The following ADAMTSL2 variants were observed in gnomAD, a reference collection of about 807,000 sequenced individuals.
The protein encoded by ADAMTSL2 is ADAMTS-like protein 2.
In ADAMTSL2, 55 loss-of-function variants were observed where a neutral mutation model predicts 117.0. The observed-to-expected ratio is 0.47, with a 90% CI of 0.38 to 0.59. The LOEUF (loss-of-function observed/expected upper bound fraction) is 0.59, where lower values mean the gene tolerates loss of function less well. Ranked by LOEUF, ADAMTSL2 falls within the 20% of genes least tolerant of loss-of-function variation. The pLI, the probability that ADAMTSL2 is intolerant of heterozygous loss-of-function variation, is 0.00. For synonymous variants in ADAMTSL2, 572 were observed against 566.4 expected (o/e 1.01, Z -0.14); for missense variants, 1,182 against 1,354.5 (o/e 0.87, Z 2.00).
chr9:133,536,235 A>G, intron 1 of ADAMTSL2, among the ~76,000 whole-genome samples: 1 of 152,218 alleles, frequency 6.6e-6, no homozygotes, highest in East Asian at 1.9e-4. Context: ...GGCCAGCAAG[A>G]GCTGAGCCAG....
At chr9:133,547,628 G>A (rs1830383418) in intron 9 of ADAMTSL2, among the ~76,000 whole-genome samples, 1 of 152,166 alleles carries the variant, frequency 6.6e-6, no homozygotes, top group Admixed American at 6.5e-5. Context: ...CCTTTGGGAA[G>A]TCCACAGGGA....
chr9:133,559,262 G>A (rs1278251096), intron 11 of ADAMTSL2, among the ~76,000 whole-genome samples: 1 of 152,198 alleles, frequency 6.6e-6, no homozygotes, highest in Non-Finnish European at 1.5e-5. Flanking sequence ...TGGGTGCTCT[G>A]AGTGGCCCCC....
chr9:133,574,671 G>A (rs1338576883), intron 18 of ADAMTSL2, 75 bp from the exon 19 acceptor site: 47 of 1,321,634 alleles, frequency 3.6e-5, no homozygotes, highest in Non-Finnish European at 4.6e-5. Context: ...AAAACGGCAC[G>A]TGGGGGTCCC....
rs1358602385 is a variant in ADAMTSL2 at position 133,538,336 on chromosome 9, A to G, written c.234-13A>G. 6.2e-7 allele frequency: 1 copy of G among 1,613,334 alleles called. No individual in the cohort carries two copies. The highest frequency in any genetic ancestry group is 8.5e-7 in the Non-Finnish European group (1 of 1,180,000). On this transcript the variant is annotated splice_polypyrimidine_tract_variant and intron_variant, in intron 3 of 18. Coordinates refer to ENST00000651351, the MANE Select transcript of ADAMTSL2 (RefSeq NM_014694.4). Reference sequence around the variant, plus strand: ...TCTGCAGCCCTCACTCCGAGCCTGCATCTTTCTGCCAGGAGGAAGTCCGTC... The same window carrying G: ...TCTGCAGCCCTCACTCCGAGCCTGCGTCTTTCTGCCAGGAGGAAGTCCGTC...
chr9:133,561,389 C>T (rs2131154171), intron 12 of ADAMTSL2, 94 bp downstream of exon 12: 3 of 1,174,504 alleles, frequency 2.6e-6, no homozygotes, highest in South Asian at 2.6e-5. Context: ...TAGCTTGCAG[C>T]CCCCAAACTG....
chr9:133,565,660 G>C (rs1830952591), intron 12 of ADAMTSL2, among the ~76,000 whole-genome samples: 1 of 152,328 alleles, frequency 6.6e-6, no homozygotes, highest in Admixed American at 6.5e-5. Context: ...AGGCTGTTTC[G>C]TTCCATCCAG....
chr9:133,539,681 C>CGGCTGTCCCGGCTGTCCA, intron 4 of ADAMTSL2, 90 bp from the exon 5 acceptor site: 2 of 1,341,056 alleles, frequency 1.5e-6, no homozygotes, highest in Non-Finnish European at 2.1e-6. Context: ...CCGGCTGTCC[C>CGGCTGTCCCGGCTGTCCA]GGCTGCAGCC....
chr9:133,536,471 G>C, intron 1 of ADAMTSL2, 92 bp from the exon 2 acceptor site: 1 of 1,465,804 alleles, frequency 6.8e-7, no homozygotes, highest in Non-Finnish European at 9.1e-7. Flanking sequence ...ACCGCCGCTG[G>C]GTGTCTTGCC....
rs1233374717 is a variant in ADAMTSL2 at position 133,555,757 on chromosome 9, C to G, written c.1476C>G (p.Ala492=). 2.5e-5 allele frequency: 40 copies of G among 1,613,916 alleles called. No homozygotes were observed. Among genetic ancestry groups the G allele is most frequent in the Non-Finnish European group, 1.9e-5 (23 of 1,180,048 alleles). Residue 492 remains alanine (A), a synonymous_variant, in exon 11 of 19, where the codon GCC becomes GCG. Transcript: ENST00000651351. ...AGGGCGCCCCAAGGAGCTCCCTGGC[C>G]GAGAGCTTCTTCGTGGATTATGAGG... ...FAQGAPRSSL[A]ESFFVDYEEN... is the part of the protein sequence containing the mutation.
rs1830657029 is a variant in ADAMTSL2 at position 133,558,496 on chromosome 9, T to C, written c.1649+2566T>C. On this transcript the variant is annotated intron_variant, in intron 11 of 18. Coordinates refer to ENST00000651351, the MANE Select transcript of ADAMTSL2 (RefSeq NM_014694.4). The surrounding 1 kb of genome is among the most constrained non-coding windows in gnomAD (Gnocchi z 4.3). Reference sequence around the variant, plus strand: ...GACTCCGACTTTGGGAACAAGCTTCTGAGACACAGAGACGCGGAGTCCCTC... The same window carrying C: ...GACTCCGACTTTGGGAACAAGCTTCCGAGACACAGAGACGCGGAGTCCCTC... Among the ~76,000 whole-genome samples, 1 of 152,354 alleles carries C rather than the reference T, an allele frequency of 6.6e-6. No individual in the cohort carries two copies. Among genetic ancestry groups the C allele is most frequent in the South Asian group, 2.1e-4 (1 of 4,826 alleles).
chr9:133,534,947 G>T, intron 1 of ADAMTSL2, 30 bp downstream of exon 1: 1 of 1,371,500 alleles, frequency 7.3e-7, no homozygotes. Context: ...TCCCCCTCAC[G>T]TTGCAGCGTC....
rs1229241060 is a variant in ADAMTSL2, at chr9:133,572,872, G to A, written c.2593-971G>A. Among the ~76,000 whole-genome samples the A allele has an allele frequency of 2.6e-5, 4 of 152,282 alleles. No individual in the cohort carries two copies. In the East Asian group the frequency reaches 7.7e-4, roughly 29 times the overall value. On this transcript the variant is annotated intron_variant, in intron 17 of 18. Transcript: ENST00000651351. Reference sequence around the variant, plus strand: ...TCCACTCCCCAGGGGCAGAGGAGCTGGCACCAGGGCTGGCCGGGAATGTGC... The same window carrying A: ...TCCACTCCCCAGGGGCAGAGGAGCTAGCACCAGGGCTGGCCGGGAATGTGC...
intron 9 of ADAMTSL2, among the ~76,000 whole-genome samples, chr9:133,548,759 G>A (rs1830414518): frequency 6.6e-6 from 1 of 152,162 alleles, no homozygotes; most frequent in Non-Finnish European, 1.5e-5. Flanking sequence ...CCTGGGGTGG[G>A]GCACAGCTGT....
rs1830652076 is a variant in ADAMTSL2 at position 133,558,297 on chromosome 9, G to A, written c.1649+2367G>A. On this transcript the variant is annotated intron_variant, in intron 11 of 18. Coordinates refer to ENST00000651351, the MANE Select transcript of ADAMTSL2 (RefSeq NM_014694.4). The surrounding 1 kb of genome is among the most constrained non-coding windows in gnomAD (Gnocchi z 4.3). ...TGTGGAGAGATAAAGGGCAGAGGGA[G>A]GCGGCGGGGGAAACCACCAGGCCAA... Among the ~76,000 whole-genome samples, 1 of 152,230 alleles carries A rather than the reference G, an allele frequency of 6.6e-6. No individual in the cohort carries two copies. The highest frequency in any genetic ancestry group is 1.5e-5 in the Non-Finnish European group (1 of 68,048).
At chr9:133,564,207 AGAGAGG>A (rs1830857273) in intron 12 of ADAMTSL2, among the ~76,000 whole-genome samples, 1 of 78,778 alleles carries the variant, frequency 1.3e-5, no homozygotes, top group Non-Finnish European at 2.7e-5. Context: ...AGGGAGAGAG[AGAGAGG>A]GAGAGGGAGA....
chr9:133,571,202 C>T (rs1831098321), intron 17 of ADAMTSL2, among the ~76,000 whole-genome samples: 1 of 152,332 alleles, frequency 6.6e-6, no homozygotes, highest in Non-Finnish European at 1.5e-5. Context: ...CCAATAGTGC[C>T]ATGAGGAGAG....
At chr9:133,543,211 C>A (rs964809240) in intron 7 of ADAMTSL2, among the ~76,000 whole-genome samples, 2 of 152,160 alleles carry the variant, frequency 1.3e-5, no homozygotes, top group Non-Finnish European at 2.9e-5. Context: ...CCTCGGCCTC[C>A]CAAAGTGTAT....
chr9:133,574,162 C>T (rs1014411199), intron 18 of ADAMTSL2, among the ~76,000 whole-genome samples, 175 bp downstream of exon 18: 1 of 152,132 alleles, frequency 6.6e-6, no homozygotes, highest in South Asian at 2.1e-4. Context: ...CCGAGCCCCA[C>T]TGGGAGGGGA....
At position 133,547,724 on chromosome 9, in the gene ADAMTSL2, C is replaced by G. The variant is rs147687298; in HGVS notation, c.939+511C>G. On this transcript the variant is annotated intron_variant, in intron 9 of 18. Coordinates refer to ENST00000651351, the MANE Select transcript of ADAMTSL2 (RefSeq NM_014694.4). ...CCCTACCTAGCTTCAGGCTCCACCC[C>G]CTCCCCAGGCACTATGGTGCTCGGT... Among the ~76,000 whole-genome samples the G allele has an allele frequency of 3.3e-3, 508 of 152,314 alleles. 3 individuals are homozygous for G. The highest frequency in any genetic ancestry group is 0.011 in the African/African-American group (459 of 41,574).
Sources: gnomAD v4.1 joint callset for allele counts (sites outside exome capture counted in the v4.1 genomes callset) on GRCh38, gnomAD v4.1.1 for gene constraint, Gnocchi (gnomAD v3.1) non-coding constraint, MANE v1.5 for transcripts, NCBI Gene and HGNC (gene_info 2026-07-23, HGNC 2026-07-21) for gene names.